The following FA2H variants were observed in gnomAD, a reference collection of about 807,000 sequenced individuals.
The protein encoded by FA2H is fatty acid 2-hydroxylase.
A neutral mutation model predicts 44.9 loss-of-function variants in FA2H; 22 were observed. That is an observed-to-expected ratio of 0.49 (90% CI 0.35 to 0.70). FA2H has a LOEUF of 0.70. FA2H is among the 30% of genes least tolerant of loss of function. The pLI, the probability that FA2H is intolerant of heterozygous loss-of-function variation, is 0.01. For missense variants in FA2H, 501 were observed against 504.9 expected (o/e 0.99, Z 0.07); for synonymous variants, 243 against 213.2 (o/e 1.14, Z -1.22).
intron 1 of FA2H, among the ~76,000 whole-genome samples, chr16:74,759,100 G>A (rs1238762104): frequency 6.6e-6 from 1 of 152,172 alleles, no homozygotes; most frequent in Non-Finnish European, 1.5e-5. Flanking sequence ...CATCTAGTCT[G>A]GGACATTCTT....
intron 2 of FA2H, 82 bp from the exon 3 acceptor site, chr16:74,727,468 A>G: frequency 6.9e-7 from 1 of 1,443,134 alleles, no homozygotes; most frequent in Non-Finnish European, 9.7e-7. Flanking sequence ...ACAGCATCCC[A>G]ATCCCCTGCT....
intron 1 of FA2H, among the ~76,000 whole-genome samples, chr16:74,753,091 G>GT (rs1962557023): frequency 6.6e-6 from 1 of 152,228 alleles, no homozygotes. Flanking sequence ...CTGTGTGGGT[G>GT]TGATCCCTGC....
intron 6 of FA2H, among the ~76,000 whole-genome samples, chr16:74,715,287 TA>T (rs1437840468): frequency 6.6e-6 from 1 of 152,108 alleles, no homozygotes; most frequent in Non-Finnish European, 1.5e-5. Flanking sequence ...AGTTGCTAAT[TA>T]TTTTTTTTTA....
At chr16:74,722,842 C>T (rs1961869440) in intron 4 of FA2H, among the ~76,000 whole-genome samples, 1 of 145,066 alleles carries the variant, frequency 6.9e-6, no homozygotes, top group Non-Finnish European at 1.5e-5. Flanking sequence ...ACCCGAGAGG[C>T]AGAGGTTGTG....
At chr16:74,748,801 G>A (rs981430903) in intron 1 of FA2H, among the ~76,000 whole-genome samples, 1 of 152,226 alleles carries the variant, frequency 6.6e-6, no homozygotes, top group Non-Finnish European at 1.5e-5. Flanking sequence ...CCGGCATAAA[G>A]GCATGTTGTT....
intron 6 of FA2H, 96 bp downstream of exon 6, chr16:74,716,251 G>T: frequency 7.0e-7 from 1 of 1,433,150 alleles, no homozygotes; most frequent in Non-Finnish European, 9.7e-7. Context: ...CCCCGTACAT[G>T]GAACAGTGCC....
intron 2 of FA2H, among the ~76,000 whole-genome samples, chr16:74,730,355 G>A (rs1316760801): frequency 1.3e-5 from 2 of 152,166 alleles, no homozygotes; most frequent in South Asian, 2.1e-4. Flanking sequence ...GCTGGAAGAT[G>A]ATCCAAGTCA....
chr16:74,728,017 G>A (rs1961994730), intron 2 of FA2H, among the ~76,000 whole-genome samples: 2 of 152,202 alleles, frequency 1.3e-5, no homozygotes, highest in Non-Finnish European at 2.9e-5. Flanking sequence ...ATGTAGCTTA[G>A]TGCTTACAGT....
intron 1 of FA2H, among the ~76,000 whole-genome samples, chr16:74,773,364 T>C (rs1962944154): frequency 6.6e-6 from 1 of 152,170 alleles, no homozygotes; most frequent in Non-Finnish European, 1.5e-5. Flanking sequence ...TATGCATATA[T>C]GGGAAAAAAC....
At chr16:74,748,084 C>T (rs188493919) in intron 1 of FA2H, among the ~76,000 whole-genome samples, 27 of 152,222 alleles carry the variant, frequency 1.8e-4, no homozygotes, top group African/African-American at 6.5e-4. Flanking sequence ...ACACAGATGG[C>T]CCCGGGGGGA....
chr16:74,745,908 C>T (rs1962413651), intron 1 of FA2H, among the ~76,000 whole-genome samples: 1 of 149,302 alleles, frequency 6.7e-6, no homozygotes, highest in Admixed American at 6.8e-5. Context: ...TGAGTTCAAG[C>T]AATTCTCCTG....
chr16:74,718,456 G>T (rs1961756534), intron 5 of FA2H, among the ~76,000 whole-genome samples: 1 of 152,130 alleles, frequency 6.6e-6, no homozygotes, highest in Admixed American at 6.5e-5. Flanking sequence ...AGGGCCTCAG[G>T]GGAAGGGTGA....
intron 1 of FA2H, among the ~76,000 whole-genome samples, chr16:74,759,629 G>C (rs190223404): frequency 1.3e-5 from 2 of 152,202 alleles, no homozygotes; most frequent in African/African-American, 2.4e-5. Flanking sequence ...CCCCGGGAAG[G>C]TCACCTCTGC....
intron 1 of FA2H, among the ~76,000 whole-genome samples, chr16:74,768,050 C>G (rs1962840638): frequency 6.6e-6 from 1 of 152,140 alleles, no homozygotes; most frequent in African/African-American, 2.4e-5. Context: ...TGCTTATCAC[C>G]TGTCTAAATA....
intron 1 of FA2H, among the ~76,000 whole-genome samples, chr16:74,761,042 C>T (rs909401664): frequency 1.4e-4 from 21 of 152,086 alleles, no homozygotes; most frequent in Admixed American, 1.3e-3. Context: ...ACCTGGGCAG[C>T]AAACCACCAT....
At chr16:74,764,361 A>G (rs1962767492) in intron 1 of FA2H, among the ~76,000 whole-genome samples, 1 of 152,250 alleles carries the variant, frequency 6.6e-6, no homozygotes, top group African/African-American at 2.4e-5. Flanking sequence ...AATGTGGTAC[A>G]TATACACCAT....
intron 1 of FA2H, among the ~76,000 whole-genome samples, chr16:74,741,808 A>ATATATATATGTGTGTGTGTGTGTG (rs1491185782): frequency 8.3e-5 from 4 of 48,410 alleles, no homozygotes; most frequent in African/African-American, 4.3e-4. Flanking sequence ...ATATATATAT[A>ATATATATATGTGTGTGTGTGTGTG]TGTGTGTGTG....
intron 2 of FA2H, among the ~76,000 whole-genome samples, chr16:74,737,295 G>C (rs1962200836): frequency 6.6e-6 from 1 of 152,202 alleles, no homozygotes; most frequent in African/African-American, 2.4e-5. Flanking sequence ...ACCTGGCTGT[G>C]TTCTAGAAAC....
chr16:74,736,945 A>C (rs1168878278), intron 2 of FA2H, among the ~76,000 whole-genome samples: 1 of 152,174 alleles, frequency 6.6e-6, no homozygotes, highest in Non-Finnish European at 1.5e-5. Context: ...AATCAGGATA[A>C]TTATAATCCT....
Sources: allele counts gnomAD v4.1 joint callset (sites outside exome capture counted in the v4.1 genomes callset), GRCh38; gene constraint gnomAD v4.1.1; transcripts MANE v1.5; gene names NCBI Gene and HGNC (gene_info 2026-07-23, HGNC 2026-07-21).